The following SNRPC variants were observed in gnomAD, a reference collection of about 807,000 sequenced individuals.
SNRPC encodes U1 small nuclear ribonucleoprotein C.
In SNRPC, 5 loss-of-function variants were observed where a neutral mutation model predicts 20.0. The ratio of observed to expected loss-of-function variants is 0.25; its 90% CI spans 0.13 to 0.53. The LOEUF is 0.53. Ranked by LOEUF, SNRPC falls within the 20% of genes least tolerant of loss-of-function variation. The pLI, the probability that SNRPC is intolerant of heterozygous loss-of-function variation, is 0.96. For missense variants in SNRPC, 112 were observed against 224.1 expected (o/e 0.50, Z 3.19); for synonymous variants, 61 against 58.7 (o/e 1.04, Z -0.18).
In SNRPC at chr6:34,762,642, T is replaced by C. The variant is rs529151427; in HGVS notation, c.99T>C (p.Asn33=). ...THCSGRKHKE[N]VKDYYQKWME... ...GCAGTGGAAGGAAACACAAAGAGAATGTGAAAGACTATTATCAGAAATGGA... is the reference window on the plus strand; with the variant it reads ...GCAGTGGAAGGAAACACAAAGAGAACGTGAAAGACTATTATCAGAAATGGA... Residue 33 remains asparagine, a synonymous_variant, in exon 3 of 6, where the codon AAT becomes AAC. Coordinates refer to ENST00000244520, the MANE Select transcript of SNRPC (RefSeq NM_003093.3). 4 of 1,606,844 alleles carry C rather than the reference T, an allele frequency of 2.5e-6. No individual in the cohort carries two copies. Among genetic ancestry groups the C allele is most frequent in the Admixed American group, 3.3e-5 (2 of 59,998 alleles).
chr6:34,767,513 A>G (rs1764628556), intron 3 of SNRPC, among the ~76,000 whole-genome samples: 1 of 152,154 alleles, frequency 6.6e-6, no homozygotes, highest in Non-Finnish European at 1.5e-5. Flanking sequence ...ACTCGGGAGG[A>G]TGAATTGAGA....
At position 34,773,462 on chromosome 6, in the gene SNRPC, G is replaced by A. The variant is rs757966591; in HGVS notation, c.372G>A (p.Pro124=). ...MPVGPAPGMR[P]PMGGHMPMMP... is the part of the protein sequence containing the mutation. ...GTCCTGCAGCTCCTGGAATGAGGCC[G>A]CCCATGGGAGGCCATATGCCAATGA... Residue 124 remains proline, a synonymous_variant, in exon 6 of 6, where the codon CCG becomes CCA. Coordinates refer to ENST00000244520, the MANE Select transcript of SNRPC (RefSeq NM_003093.3). This position sits in a 1 kb window ranked among gnomAD's most constrained non-coding sequence, Gnocchi z 4.1. The A allele has an allele frequency of 1.2e-5, 20 of 1,612,928 alleles. No individual in the cohort carries two copies. The highest frequency in any genetic ancestry group is 2.2e-5 in the East Asian group (1 of 44,882).
At chr6:34,757,999 ATAAT>A (rs1764476748) in intron 2 of SNRPC, 45 bp downstream of exon 2, 1 of 1,574,966 alleles carries the variant, frequency 6.3e-7, no homozygotes, top group African/African-American at 1.4e-5. Flanking sequence ...CTTATGTGTA[ATAAT>A]TAAATGAGTT....
rs1764711744 is a variant in SNRPC, at chr6:34,773,312, GTCACGTGTGTCTTTTT to G, written c.356-131_356-116del. 3 of 681,576 alleles carry G rather than the reference GTCACGTGTGTCTTTTT, an allele frequency of 4.4e-6. No homozygotes were observed. The highest frequency in any genetic ancestry group is 7.3e-6 in the Non-Finnish European group (3 of 410,550). 42.2% of individuals were successfully genotyped at this position (681,576 alleles called of 1,614,324 possible). A position where few individuals can be genotyped will look rare whatever the true frequency, so the allele number is the denominator to read the frequency against. The stretch of plus-strand genomic sequence containing the variant: ...GTGATAAATTTGTTGCATTTCTTCT[GTCACGTGTGTCTTTTT>G]TCCAGCATTTTGCAAGGGGGGCTAC... On this transcript the variant is annotated intron_variant, in intron 5 of 5. Coordinates refer to ENST00000244520, the MANE Select transcript of SNRPC (RefSeq NM_003093.3). The surrounding 1 kb of genome is among the most constrained non-coding windows in gnomAD (Gnocchi z 4.1).
At chr6:34,757,576 G>C in intron 1 of SNRPC, 25 bp downstream of exon 1, 1 of 1,610,330 alleles carries the variant, frequency 6.2e-7, no homozygotes, top group Non-Finnish European at 8.5e-7. Context: ...GAAATCTGAG[G>C]GTGATCGTAG....
intron 2 of SNRPC, among the ~76,000 whole-genome samples, chr6:34,760,882 A>G (rs928595390): frequency 2.8e-5 from 4 of 141,706 alleles, no homozygotes; most frequent in African/African-American, 4.9e-5. Context: ...CATCTCTACT[A>G]AAAATACAAA....
rs1294863967 is a variant in SNRPC, at chr6:34,770,272, G to T, written c.251-19G>T. ...ATATGTGAGCACACCTTAACCACAG[G>T]CTCCATTCTTTATTTCAGCGGGTCC... On this transcript the variant is annotated intron_variant, in intron 4 of 5. Transcript: ENST00000244520. 1.3e-6 allele frequency: 2 copies of T among 1,513,650 alleles called. No homozygotes were observed. Among genetic ancestry groups the T allele is most frequent in the Admixed American group, 1.7e-5 (1 of 59,794 alleles). The allele number at this position is 1,513,650 out of a possible 1,614,324, so 93.8% of individuals were successfully genotyped here.
intron 2 of SNRPC, among the ~76,000 whole-genome samples, chr6:34,758,568 G>A (rs1040816223): frequency 6.6e-6 from 1 of 151,984 alleles, no homozygotes; most frequent in African/African-American, 2.4e-5. Flanking sequence ...GTCCTCCTCG[G>A]CCTCCCAAAG....
intron 2 of SNRPC, among the ~76,000 whole-genome samples, chr6:34,760,363 T>G (rs1219737849): frequency 1.3e-5 from 2 of 152,026 alleles, no homozygotes; most frequent in Non-Finnish European, 2.9e-5. Flanking sequence ...AGTGAGTCAC[T>G]GTGTCCGGCC....
chr6:34,768,070 C>T (rs1024682241), intron 4 of SNRPC, 73 bp downstream of exon 4: 8 of 1,375,026 alleles, frequency 5.8e-6, no homozygotes, highest in East Asian at 2.3e-5. Flanking sequence ...ATTATCTCAC[C>T]GTTGGCTTTC....
At chr6:34,771,456 G>C (rs1048791334) in intron 5 of SNRPC, among the ~76,000 whole-genome samples, 7 of 152,006 alleles carry the variant, frequency 4.6e-5, no homozygotes, top group South Asian at 2.1e-4. Flanking sequence ...AGTGGTCTGA[G>C]ACCTTGTGAT....
rs76095466 is a variant in SNRPC, at chr6:34,759,535, A to C, written c.51+1581A>C. ...CAGAATATTAAAAAGAATTGAACTTAAGGGTTTTTAATAAAAATTAATAAT... is the reference window on the plus strand; with the variant it reads ...CAGAATATTAAAAAGAATTGAACTTCAGGGTTTTTAATAAAAATTAATAAT... On this transcript the variant is annotated intron_variant, in intron 2 of 5. Coordinates refer to ENST00000244520, the MANE Select transcript of SNRPC (RefSeq NM_003093.3). Among the ~76,000 whole-genome samples, 1,188 of 152,358 alleles carry C rather than the reference A, an allele frequency of 7.8e-3. 16 individuals carry two copies. The highest frequency in any genetic ancestry group is 0.025 in the African/African-American group (1,025 of 41,588).
intron 3 of SNRPC, among the ~76,000 whole-genome samples, chr6:34,767,193 A>C (rs1021487689): frequency 9.2e-5 from 14 of 152,242 alleles, no homozygotes; most frequent in African/African-American, 3.1e-4. Context: ...GACAGCATAC[A>C]TAGGAAGGAT....
At chr6:34,764,190 A>G (rs1164638945) in intron 3 of SNRPC, among the ~76,000 whole-genome samples, 2 of 151,648 alleles carry the variant, frequency 1.3e-5, no homozygotes, top group African/African-American at 2.4e-5. Flanking sequence ...CTAAAAATAC[A>G]AAAAATTGGC....
chr6:34,759,054 A>C (rs2127405416), intron 2 of SNRPC, among the ~76,000 whole-genome samples: 1 of 151,934 alleles, frequency 6.6e-6, no homozygotes, highest in Non-Finnish European at 1.5e-5. Flanking sequence ...AAGAAAAGAA[A>C]ACCCACGTTA....
intron 3 of SNRPC, among the ~76,000 whole-genome samples, chr6:34,767,057 T>C (rs954875749): frequency 6.6e-6 from 1 of 152,260 alleles, no homozygotes; most frequent in Non-Finnish European, 1.5e-5. Flanking sequence ...CATTAGACTT[T>C]CTTAAAAATC....
chr6:34,762,796 A>T, intron 3 of SNRPC, 93 bp downstream of exon 3: 1 of 692,396 alleles, frequency 1.4e-6, no homozygotes, highest in Non-Finnish European at 2.6e-6. Flanking sequence ...ACTCATTCTG[A>T]ATGATAAATA....
Position 34,773,187 on chromosome 6 carries a change from T to G in SNRPC, c.356-259T>G, listed in dbSNP as rs923187593. On this transcript the variant is annotated intron_variant, in intron 5 of 5. Transcript: ENST00000244520. The surrounding 1 kb of genome is among the most constrained non-coding windows in gnomAD (Gnocchi z 4.1). ...TGGCGATTTCTGGAAAGCAGTCTAT[T>G]AATAGTTTCCCCCTTACTATCATTA... Among the ~76,000 whole-genome samples, 5 of 152,356 alleles carry G rather than the reference T, an allele frequency of 3.3e-5. No homozygotes were observed. In the South Asian group the frequency reaches 8.3e-4, roughly 25 times the overall value.
At position 34,757,904 on chromosome 6, in the gene SNRPC, CT is replaced by C; in HGVS notation, c.9-4del. 1.9e-6 allele frequency: 3 copies of C among 1,613,702 alleles called. No individual in the cohort carries two copies. The highest frequency in any genetic ancestry group is 2.5e-6 in the Non-Finnish European group (3 of 1,180,010). ...TCGTCTTTTTCTCTTCCTTTCACCT[CT>C]TTTCAGGTTTTATTGTGACTACTGC... On this transcript the variant is annotated splice_region_variant and splice_polypyrimidine_tract_variant and intron_variant, in intron 1 of 5. Coordinates refer to ENST00000244520, the MANE Select transcript of SNRPC (RefSeq NM_003093.3).
Sources: gnomAD v4.1 joint callset for allele counts (sites outside exome capture counted in the v4.1 genomes callset) on GRCh38, gnomAD v4.1.1 for gene constraint, Gnocchi (gnomAD v3.1) non-coding constraint, MANE v1.5 for transcripts, NCBI Gene and HGNC (gene_info 2026-07-23, HGNC 2026-07-21) for gene names.